The following GABRR3 variants were observed in gnomAD, a reference collection of about 807,000 sequenced individuals.
The protein encoded by GABRR3 is gamma-aminobutyric acid type A receptor subunit rho3.
GABRR3 carries 29 observed loss-of-function variants against 43.2 expected under a neutral mutation model. The ratio of observed to expected loss-of-function variants is 0.67; its 90% CI spans 0.50 to 0.92. The LOEUF (loss-of-function observed/expected upper bound fraction) is 0.92. Among genes scored for constraint, GABRR3 ranks in the 40% least tolerant of loss-of-function variants. The pLI, the probability that GABRR3 is intolerant of heterozygous loss-of-function variation, is 0.00. For missense variants in GABRR3, 576 were observed against 572.3 expected (o/e 1.01, Z -0.07); for synonymous variants, 206 against 195.9 (o/e 1.05, Z -0.43).
At chr3:97,988,990 G>T (rs1358817484) in intron 9 of GABRR3, among the ~76,000 whole-genome samples, 1 of 150,320 alleles carries the variant, frequency 6.7e-6, no homozygotes, top group Non-Finnish European at 1.5e-5. Flanking sequence ...GGTCATGGTT[G>T]GTGGTGTTGG....
intron 2 of GABRR3, among the ~76,000 whole-genome samples, chr3:98,031,200 T>G (rs978484241): frequency 6.6e-6 from 1 of 152,160 alleles, no homozygotes; most frequent in Non-Finnish European, 1.5e-5. Context: ...GAGAGAATGC[T>G]TCACTTGAAA....
intron 3 of GABRR3, among the ~76,000 whole-genome samples, chr3:98,019,526 T>A (rs1706912322): frequency 6.6e-6 from 1 of 152,168 alleles, no homozygotes; most frequent in South Asian, 2.1e-4. Flanking sequence ...CTCAGTTACA[T>A]CTTAACTACC....
intron 7 of GABRR3, among the ~76,000 whole-genome samples, chr3:98,005,953 A>G (rs556962687): frequency 2.6e-4 from 40 of 152,256 alleles, no homozygotes; most frequent in Middle Eastern, 3.4e-3. Context: ...CAATAGTAAA[A>G]TGAAAACACA....
chr3:98,013,051 C>T (rs1275109672), intron 4 of GABRR3, among the ~76,000 whole-genome samples: 8 of 152,102 alleles, frequency 5.3e-5, no homozygotes, highest in African/African-American at 1.9e-4. Flanking sequence ...AACATGGATA[C>T]AGTGTTTATT....
At chr3:98,021,038 T>A (rs955652279) in intron 3 of GABRR3, among the ~76,000 whole-genome samples, 5 of 151,910 alleles carry the variant, frequency 3.3e-5, no homozygotes, top group South Asian at 4.2e-4. Context: ...ATTTTTTTTT[T>A]ATTTTTAGTA....
intron 2 of GABRR3, among the ~76,000 whole-genome samples, chr3:98,028,464 T>G (rs1037878995): frequency 1.3e-5 from 2 of 152,210 alleles, no homozygotes; most frequent in Non-Finnish European, 2.9e-5. Flanking sequence ...TTCCTTCAAT[T>G]TTGTTAAAAG....
intron 9 of GABRR3, among the ~76,000 whole-genome samples, chr3:97,987,926 C>T (rs1315682220): frequency 6.6e-6 from 1 of 151,980 alleles, no homozygotes; most frequent in Non-Finnish European, 1.5e-5. Context: ...TATAGACACA[C>T]ATCACTACAC....
chr3:97,997,518 AAAAT>A (rs1706577146), intron 8 of GABRR3: 1 of 152,260 alleles, frequency 6.6e-6, no homozygotes, highest in African/African-American at 2.4e-5. Flanking sequence ...TTTACACAGT[AAAAT>A]AAGGCAATAA....
intron 7 of GABRR3, among the ~76,000 whole-genome samples, chr3:98,003,193 A>G (rs994874091): frequency 6.6e-6 from 1 of 152,150 alleles, no homozygotes; most frequent in Non-Finnish European, 1.5e-5. Context: ...ATTACTGTGT[A>G]CCACTGAGAG....
chr3:98,019,917 C>T (rs1320583481), intron 3 of GABRR3, among the ~76,000 whole-genome samples: 2 of 152,170 alleles, frequency 1.3e-5, no homozygotes. Flanking sequence ...TAAGCATTAA[C>T]TTGGGAACAT....
In GABRR3 at chr3:97,986,721, TA is replaced by T; in HGVS notation, c.1365del (p.Tyr455Ter). On this transcript the variant is annotated frameshift_variant, in exon 10 of 10. Coordinates refer to ENST00000621172, the Ensembl canonical transcript of GABRR3. LOFTEE classifies it high-confidence loss of function. The stretch of plus-strand genomic sequence containing the variant: ...CCCCAGTAAAACAAATTAAATAAAA[TA>T]TACACAATGGGGAATAAAATCCTAG... 6.4e-7 allele frequency: 1 copy of T among 1,572,940 alleles called. No individual in the cohort carries two copies. Among genetic ancestry groups the T allele is most frequent in the Non-Finnish European group, 8.7e-7 (1 of 1,155,718 alleles).
intron 5 of GABRR3, among the ~76,000 whole-genome samples, chr3:98,011,809 T>C (rs895099670): frequency 8.5e-5 from 13 of 152,162 alleles, no homozygotes; most frequent in Non-Finnish European, 1.5e-4. Flanking sequence ...TGCACAGAAC[T>C]CATTTGACTA....
intron 5 of GABRR3, among the ~76,000 whole-genome samples, chr3:98,011,542 C>T (rs143414996): frequency 1.3e-5 from 2 of 152,226 alleles, no homozygotes; most frequent in African/African-American, 2.4e-5. Flanking sequence ...CATTTAAGTC[C>T]CAACCAGATA....
At chr3:98,004,993 T>C (rs2107234532) in intron 7 of GABRR3, among the ~76,000 whole-genome samples, 1 of 152,062 alleles carries the variant, frequency 6.6e-6, no homozygotes, top group East Asian at 1.9e-4. Flanking sequence ...TTTCTAAATG[T>C]AATCTTTCCG....
chr3:97,996,026 A>T (rs1314229519), intron 8 of GABRR3, among the ~76,000 whole-genome samples: 1 of 152,222 alleles, frequency 6.6e-6, no homozygotes, highest in African/African-American at 2.4e-5. Context: ...TGGGGTCTTA[A>T]GAACCCTTTA....
At chr3:98,009,458 A>T (rs1440415757) in intron 5 of GABRR3, among the ~76,000 whole-genome samples, 1 of 152,238 alleles carries the variant, frequency 6.6e-6, no homozygotes, top group Non-Finnish European at 1.5e-5. Flanking sequence ...CTGAAGTTAA[A>T]GGTTTCCTTC....
chr3:98,005,837 A>G (rs1706718005), intron 7 of GABRR3, among the ~76,000 whole-genome samples: 1 of 152,184 alleles, frequency 6.6e-6, no homozygotes, highest in Non-Finnish European at 1.5e-5. Context: ...GCATGAGACA[A>G]TTCTTTTTGA....
intron 3 of GABRR3, among the ~76,000 whole-genome samples, chr3:98,024,424 AAAAC>A (rs1706986086): frequency 6.6e-6 from 1 of 152,006 alleles, no homozygotes; most frequent in Admixed American, 6.6e-5. Context: ...GGAAATTGAA[AAAAC>A]AAACAACCAC....
intron 8 of GABRR3, 29 bp from the exon 9 acceptor site, chr3:97,993,077 G>T: frequency 6.6e-7 from 1 of 1,525,798 alleles, no homozygotes; most frequent in Non-Finnish European, 8.9e-7. Flanking sequence ...GGCAAGCTCA[G>T]TGATATAGCC....
Sources: allele counts gnomAD v4.1 joint callset (sites outside exome capture counted in the v4.1 genomes callset), GRCh38; gene constraint gnomAD v4.1.1; transcripts MANE v1.5; gene names NCBI Gene and HGNC (gene_info 2026-07-23, HGNC 2026-07-21).